Variants in ROBO2 observed in about 807,000 individuals in gnomAD.
The protein encoded by ROBO2 is roundabout guidance receptor 2.
Under a neutral mutation model 160.8 loss-of-function variants are expected in ROBO2, and 53 were observed. That is an observed-to-expected ratio of 0.33 (90% CI 0.26 to 0.41). ROBO2 has a LOEUF of 0.41. ROBO2 is among the 10% of genes least tolerant of loss of function. The pLI, the probability that ROBO2 is intolerant of heterozygous loss-of-function variation, is 1.00. For synonymous variants in ROBO2, 664 were observed against 611.7 expected, an observed-to-expected ratio of 1.09 and a Z score of -1.26; for missense variants, 1,577 against 1,722.4, an observed-to-expected ratio of 0.92 and a Z score of 1.49.
intron 2 of ROBO2, among the ~76,000 whole-genome samples, chr3:76,143,830 G>A (rs1192629920): frequency 6.6e-6 from 1 of 152,046 alleles, no homozygotes; most frequent in South Asian, 2.1e-4. Context: ...AGAGTTGATG[G>A]TACAGTTCCC....
Position 76,745,835 on chromosome 3 carries a change from ATT to A in ROBO2, c.110-352176_110-352175del, listed in dbSNP as rs2093879155. On this transcript the variant is annotated intron_variant, in intron 2 of 26. Transcript: ENST00000487694. ...TATTTATTTATTTATTTATTTATTT[ATT>A]TTATTATTATTATACTTTAAGTTTT... Among the ~76,000 whole-genome samples, 3 of 118,460 alleles carry A rather than the reference ATT, an allele frequency of 2.5e-5. No homozygotes were observed. The Admixed American group carries it at 2.6e-4, about 10-fold the overall frequency. 77.7% of individuals were successfully genotyped at this position (118,460 alleles called of 152,430 possible). A position where few individuals can be genotyped will look rare whatever the true frequency, so the allele number is the denominator to read the frequency against.
Position 75,928,980 on chromosome 3 carries a change from C to CGTGT in ROBO2, c.-13-8483_-13-8480dup, listed in dbSNP as rs60481031. ...GAGATGTGCAGCTGGATAAGACGTA[C>CGTGT]GTGTGTGTGTGTGTGTGTGTGATAG... On this transcript the variant is annotated intron_variant, in intron 1 of 26. Coordinates refer to the ROBO2 transcript ENST00000487694. Among the ~76,000 whole-genome samples, 273 of 94,102 alleles carry CGTGT rather than the reference C, an allele frequency of 2.9e-3. 23 individuals are homozygous for CGTGT. Among genetic ancestry groups the CGTGT allele is most frequent in the Non-Finnish European group, 4.1e-3 (199 of 48,236 alleles). The allele number at this position is 94,102 out of a possible 152,430, so 61.7% of individuals were successfully genotyped here.
At chr3:77,250,754 G>A (rs1012788067) in intron 2 of ROBO2, among the ~76,000 whole-genome samples, 4 of 152,104 alleles carry the variant, frequency 2.6e-5, no homozygotes, top group African/African-American at 9.7e-5. Context: ...AAAGGTGGGA[G>A]GGCAAACAAG....
intron 2 of ROBO2, among the ~76,000 whole-genome samples, chr3:76,501,604 C>G (rs2080465490): frequency 6.6e-6 from 1 of 152,086 alleles, no homozygotes; most frequent in Non-Finnish European, 1.5e-5. Flanking sequence ...ATAAAATCTC[C>G]TAGCTAATAG....
At chr3:77,083,274 T>C (rs1259757229) in intron 1 of ROBO2, among the ~76,000 whole-genome samples, 2 of 152,154 alleles carry the variant, frequency 1.3e-5, no homozygotes, top group Non-Finnish European at 1.5e-5. Flanking sequence ...GTTCAGAGTT[T>C]TGTACTTCAT....
intron 2 of ROBO2, among the ~76,000 whole-genome samples, chr3:76,598,536 T>C (rs747687085): frequency 6.6e-6 from 1 of 152,154 alleles, no homozygotes; most frequent in African/African-American, 2.4e-5. Flanking sequence ...TACGGTTTTA[T>C]AAAATGTTAC....
At chr3:76,809,336 A>G (rs1041116526) in intron 2 of ROBO2, among the ~76,000 whole-genome samples, 2 of 152,064 alleles carry the variant, frequency 1.3e-5, no homozygotes, top group Non-Finnish European at 2.9e-5. Context: ...CAGTGAGTGG[A>G]GTCTCTGTTT....
chr3:76,480,213 T>C (rs2079138255), intron 2 of ROBO2, among the ~76,000 whole-genome samples: 1 of 152,154 alleles, frequency 6.6e-6, no homozygotes, highest in Admixed American at 6.6e-5. Context: ...TGATTACACA[T>C]TCACTTTTCT....
intron 2 of ROBO2, among the ~76,000 whole-genome samples, chr3:76,736,531 C>A (rs1576326974): frequency 6.6e-6 from 1 of 152,052 alleles, no homozygotes; most frequent in East Asian, 1.9e-4. Context: ...ACTTTTTTCA[C>A]CAATAAATGT....
intron 2 of ROBO2, among the ~76,000 whole-genome samples, chr3:76,962,506 C>A (rs1170505462): frequency 1.3e-5 from 2 of 151,968 alleles, no homozygotes; most frequent in African/African-American, 2.4e-5. Flanking sequence ...GGCATGGTGG[C>A]ACATGACTGT....
At chr3:76,300,087 G>C (rs561006810) in intron 2 of ROBO2, among the ~76,000 whole-genome samples, 1 of 152,060 alleles carries the variant, frequency 6.6e-6, no homozygotes. Context: ...GGTTTGAGTG[G>C]ATTCTTAGTT....
intron 2 of ROBO2, among the ~76,000 whole-genome samples, chr3:77,288,313 A>G (rs768549202): frequency 9.9e-5 from 15 of 152,228 alleles, no homozygotes; most frequent in Middle Eastern, 3.2e-3. Flanking sequence ...AGGCAAAAAC[A>G]TTAAACTGAC....
intron 2 of ROBO2, among the ~76,000 whole-genome samples, chr3:76,718,050 A>C (rs138905068): frequency 6.6e-6 from 1 of 152,220 alleles, no homozygotes; most frequent in Admixed American, 6.5e-5. Flanking sequence ...GCATTGCATA[A>C]CCTGCCCAAA....
intron 2 of ROBO2, among the ~76,000 whole-genome samples, chr3:76,055,857 C>G (rs1039306178): frequency 6.6e-6 from 1 of 152,168 alleles, no homozygotes; most frequent in Non-Finnish European, 1.5e-5. Flanking sequence ...CTCCTGGGTT[C>G]AAGCGATTCT....
At chr3:77,616,591 G>A (rs2094782652) in intron 21 of ROBO2, among the ~76,000 whole-genome samples, 1 of 152,038 alleles carries the variant, frequency 6.6e-6, no homozygotes, top group South Asian at 2.1e-4. Context: ...AGATTCACTA[G>A]GTATTTAAGA....
chr3:75,999,042 A>G (rs2065808240), intron 2 of ROBO2, among the ~76,000 whole-genome samples: 2 of 152,294 alleles, frequency 1.3e-5, no homozygotes, highest in South Asian at 4.1e-4. Flanking sequence ...GGTAGAGTGT[A>G]GTGAATAGTC....
At chr3:77,348,916 G>T (rs2067984866) in intron 2 of ROBO2, among the ~76,000 whole-genome samples, 1 of 151,486 alleles carries the variant, frequency 6.6e-6, no homozygotes, top group Admixed American at 6.6e-5. Context: ...ATATTCATTT[G>T]TCTGGCTCTC....
At chr3:77,242,805 T>C (rs2089225886) in intron 2 of ROBO2, among the ~76,000 whole-genome samples, 1 of 151,206 alleles carries the variant, frequency 6.6e-6, no homozygotes, top group South Asian at 2.1e-4. Context: ...CTTTTCCATA[T>C]CTAGTAGAGT....
Position 77,345,100 on chromosome 3 carries a change from T to C in ROBO2, c.389-132314T>C, listed in dbSNP as rs1239019912. ...TTAAAAAAAACCGTAAAAACTCTTA[T>C]GAGATTTGAGTTAAGATGTCAGCCA... On this transcript the variant is annotated intron_variant, in intron 2 of 25. Coordinates refer to ENST00000461745, the Ensembl canonical transcript of ROBO2. 2.6e-5 allele frequency among the ~76,000 whole-genome samples: 4 copies of C among 152,162 alleles called. No individual in the cohort carries two copies. In the South Asian group the frequency reaches 8.3e-4, roughly 32 times the overall value.
Sources: allele counts gnomAD v4.1 joint callset (sites outside exome capture counted in the v4.1 genomes callset), GRCh38; gene constraint gnomAD v4.1.1; transcripts MANE v1.5; gene names NCBI Gene and HGNC (gene_info 2026-07-23, HGNC 2026-07-21).